Variants in SNX4 observed in about 807,000 individuals in gnomAD.
The protein encoded by SNX4 is sorting nexin 4.
Under a neutral mutation model 70.8 loss-of-function variants are expected in SNX4, and 49 were observed. That is an observed-to-expected ratio of 0.69 (90% confidence interval 0.55 to 0.88). SNX4 has a LOEUF of 0.88. Ranked by LOEUF, SNX4 falls within the 40% of genes least tolerant of loss-of-function variation. The pLI, the probability that SNX4 is intolerant of heterozygous loss-of-function variation, is 0.00. For missense variants in SNX4, 528 were observed against 544.8 expected, an observed-to-expected ratio of 0.97 and a Z score of 0.31; for synonymous variants, 206 against 183.8, an observed-to-expected ratio of 1.12 and a Z score of -0.98.
At chr3:125,516,717 T>C (rs1935291783) in intron 1 of SNX4, among the ~76,000 whole-genome samples, 1 of 152,148 alleles carries the variant, frequency 6.6e-6, no homozygotes, top group African/African-American at 2.4e-5. Context: ...GGCACATGCC[T>C]TTAACCACAG....
intron 8 of SNX4, among the ~76,000 whole-genome samples, chr3:125,474,019 CAT>C (rs1414250608): frequency 2.0e-5 from 3 of 152,232 alleles, no homozygotes; most frequent in Non-Finnish European, 2.9e-5. Flanking sequence ...AATTTATCCA[CAT>C]GAGAACCCTC....
At chr3:125,453,672 T>A (rs1479812056) in intron 12 of SNX4, 138 bp downstream of exon 12, 14 of 756,802 alleles carry the variant, frequency 1.8e-5, no homozygotes, top group Non-Finnish European at 1.9e-5. Context: ...TTCTTAGGAA[T>A]GCATTTTAAA....
At chr3:125,516,200 G>T (rs1057237227) in intron 1 of SNX4, among the ~76,000 whole-genome samples, 1 of 151,952 alleles carries the variant, frequency 6.6e-6, no homozygotes, top group Non-Finnish European at 1.5e-5. Flanking sequence ...ACTGTAAATG[G>T]TTTTTCTCTG....
chr3:125,475,584 C>CA (rs1449982867), intron 8 of SNX4, among the ~76,000 whole-genome samples: 2 of 152,140 alleles, frequency 1.3e-5, no homozygotes, highest in African/African-American at 4.8e-5. Context: ...AGGCTGGTCT[C>CA]AAACTCCTGA....
chr3:125,467,084 CAAA>C (rs538874424), intron 9 of SNX4, among the ~76,000 whole-genome samples: 2,614 of 74,522 alleles, frequency 0.035, 94 homozygotes, highest in African/African-American at 0.11. Flanking sequence ...CTCTGTCTTC[CAAA>C]AAAAAAAAAA....
At chr3:125,467,287 T>C (rs905080702) in intron 9 of SNX4, among the ~76,000 whole-genome samples, 1 of 151,844 alleles carries the variant, frequency 6.6e-6, no homozygotes, top group Non-Finnish European at 1.5e-5. Flanking sequence ...CTCGGGAGGC[T>C]GAGTCAGGAG....
intron 1 of SNX4, 84 bp downstream of exon 1, chr3:125,519,948 G>A (rs56381562): frequency 0.11 from 84,213 of 770,426 alleles, 10,503 homozygotes; most frequent in African/African-American, 0.36. Context: ...GGCCCGGCCC[G>A]GCCCAGCCCA....
intron 6 of SNX4, among the ~76,000 whole-genome samples, chr3:125,487,783 G>A (rs957321513): frequency 3.3e-5 from 5 of 151,472 alleles, no homozygotes; most frequent in African/African-American, 9.7e-5. Flanking sequence ...AAACTATAGC[G>A]ATAATAAAAA....
In SNX4 at chr3:125,457,334, A is replaced by G; in HGVS notation, c.976T>C (p.Tyr326His). The G allele has an allele frequency of 2.5e-6, 4 of 1,614,006 alleles. No individual in the cohort carries two copies. Among genetic ancestry groups the G allele is most frequent in the Non-Finnish European group, 3.4e-6 (4 of 1,179,904 alleles). Reference protein sequence around the residue: ...AVCRKHELMQYDLEMAAQDLA... With the variant: ...AVCRKHELMQHDLEMAAQDLA... ...TCCTGAGCAGCCATCTCCAAGTCAT[A>G]CTGCATAAGTTCATGTTTCCTGCAC... Residue 326 changes from tyrosine to histidine, a missense_variant, in exon 11 of 14, where the codon TAT becomes CAT. Physicochemically the swap from Tyr to His is moderately conservative, Grantham distance 83. Around this residue, in one of 3 missense-constraint regions of SNX4, gnomAD observed 159 missense variants for 172.6 expected, o/e 0.92. Transcript: ENST00000251775.
Position 125,453,880 on chromosome 3 carries a change from TG to T in SNX4, c.1119del (p.Arg374GlufsTer2). ...FGQETPEQRE[A>X]RIKVLEEQIN... is the part of the protein sequence containing the mutation. ...ATTTGTTCTTCTAGCACCTTTATTC[TG>T]GCTTCTCTCTGCTCTGGAGTTTCTT... On this transcript the variant is annotated frameshift_variant, in exon 12 of 14. Coordinates refer to ENST00000251775, the MANE Select transcript of SNX4 (RefSeq NM_003794.4). LOFTEE classifies it high-confidence loss of function. 1 of 1,614,022 alleles carries T rather than the reference TG, an allele frequency of 6.2e-7. No individual in the cohort carries two copies. Among genetic ancestry groups the T allele is most frequent in the South Asian group, 1.1e-5 (1 of 91,076 alleles).
In SNX4 at chr3:125,451,363, C is replaced by CCTTTA. The variant is rs1559807480; in HGVS notation, c.1246_1247insTAAAG (p.Arg416LeufsTer5). ...GCTTATGAGGGCCTCCTTTAAGTCTCGGTTCTTTTGTTCTTTGAAGCGTTC... is the reference window on the plus strand; with the variant it reads ...GCTTATGAGGGCCTCCTTTAAGTCTCCTTTAGGTTCTTTTGTTCTTTGAAGCGTTC... On this transcript the variant is annotated frameshift_variant, in exon 13 of 14. Transcript: ENST00000251775. LOFTEE classifies it high-confidence loss of function. 1 of 1,613,902 alleles carries CCTTTA rather than the reference C, an allele frequency of 6.2e-7. No homozygotes were observed. The highest frequency in any genetic ancestry group is 1.1e-5 in the South Asian group (1 of 91,070).
chr3:125,457,392 T>C, intron 10 of SNX4, 27 bp from the exon 11 acceptor site: 1 of 1,561,074 alleles, frequency 6.4e-7, no homozygotes, highest in Non-Finnish European at 8.8e-7. Context: ...GTGCTGCCAT[T>C]TAACTTTTCC....
At chr3:125,462,036 G>C (rs575092980) in intron 9 of SNX4, among the ~76,000 whole-genome samples, 1 of 152,254 alleles carries the variant, frequency 6.6e-6, no homozygotes, top group Non-Finnish European at 1.5e-5. Context: ...CTGCGCATGA[G>C]TCTTCATTTG....
Position 125,480,285 on chromosome 3 carries a change from G to T in SNX4, c.688C>A (p.Leu230Met), listed in dbSNP as rs746403640. The T allele has an allele frequency of 4.4e-6, 7 of 1,574,350 alleles. No individual in the cohort carries two copies. Among genetic ancestry groups the T allele is most frequent in the Non-Finnish European group, 5.2e-6 (6 of 1,158,082 alleles). ...AGAAGATGTGAGATGACAGACTGCAGTTCATCACTATAGTGCTTAAGGTCA... is the reference window on the plus strand; with the variant it reads ...AGAAGATGTGAGATGACAGACTGCATTTCATCACTATAGTGCTTAAGGTCA... ...FTDLKHYSDE[L>M]QSVISHLLRV... The change falls in exon 7 of 14, where the codon CTG becomes ATG. Residue 230 changes from leucine to methionine, a missense_variant. Around this residue, in one of 3 missense-constraint regions of SNX4, gnomAD observed 341 missense variants for 312.2 expected, o/e 1.09. Transcript: ENST00000251775.
intron 9 of SNX4, among the ~76,000 whole-genome samples, chr3:125,468,374 G>A (rs1249083579): frequency 6.6e-6 from 1 of 152,084 alleles, no homozygotes; most frequent in Non-Finnish European, 1.5e-5. Context: ...TGTAACCCCT[G>A]AACCTATAAT....
intron 5 of SNX4, among the ~76,000 whole-genome samples, chr3:125,493,824 G>T (rs7623574): frequency 0.45 from 68,206 of 151,330 alleles, 15,469 homozygotes; most frequent in Admixed American, 0.52. Context: ...AAGGTCAGGA[G>T]ATCGAGACCA....
At chr3:125,501,557 T>C (rs1934931729) in intron 2 of SNX4, among the ~76,000 whole-genome samples, 1 of 150,770 alleles carries the variant, frequency 6.6e-6, no homozygotes, top group Admixed American at 6.6e-5. Flanking sequence ...GAAGAGGAGG[T>C]TGCAGTGAGT....
intron 1 of SNX4, among the ~76,000 whole-genome samples, chr3:125,518,007 T>G (rs538516045): frequency 2.0e-5 from 3 of 152,070 alleles, no homozygotes; most frequent in Non-Finnish European, 4.4e-5. Flanking sequence ...CAGGAAGTAG[T>G]ATGTAACTAC....
In SNX4 at chr3:125,504,644, GTA is replaced by G. The variant is rs1462106862; in HGVS notation, c.240_241del (p.Thr81CysfsTer5). 1.2e-6 allele frequency: 2 copies of G among 1,613,874 alleles called. No homozygotes were observed. ...CCACCTTGTTTCAATGAGGTAAGCA[GTA>G]TATGTTTCTTGCATGTTCATGGCAT... On this transcript the variant is annotated frameshift_variant, in exon 2 of 14. Transcript: ENST00000251775. LOFTEE classifies it high-confidence loss of function.
Sources: gnomAD v4.1 joint callset for allele counts (sites outside exome capture counted in the v4.1 genomes callset) on GRCh38, gnomAD v4.1.1 for gene constraint, gnomAD v4.1.1 regional missense constraint, MANE v1.5 for transcripts, NCBI Gene and HGNC (gene_info 2026-07-23, HGNC 2026-07-21) for gene names.